UFD1: variants seen among roughly 807,000 people sequenced by gnomAD.
UFD1 encodes ubiquitin recognition factor in ER associated degradation 1.
UFD1 carries 13 observed loss-of-function variants against 45.9 expected under a neutral mutation model. The observed-to-expected ratio is 0.28, with a 90% confidence interval of 0.18 to 0.45. UFD1 has a LOEUF of 0.45. Among genes scored for constraint, UFD1 ranks in the 20% least tolerant of loss-of-function variants. The pLI is 1.00. For synonymous variants in UFD1, 128 were observed against 139.2 expected (o/e 0.92, Z 0.56); for missense variants, 218 against 389.2 (o/e 0.56, Z 3.70).
chr22:19,453,213 T>G, intron 11 of UFD1: 1 of 985,232 alleles, frequency 1.0e-6, no homozygotes, highest in Non-Finnish European at 1.2e-6. Flanking sequence ...TAGAGGTGCC[T>G]TTTGAGAATT....
At chr22:19,455,594 C>T (rs2089716556) in intron 10 of UFD1, 86 bp downstream of exon 10, 1 of 1,305,598 alleles carries the variant, frequency 7.7e-7, no homozygotes, top group Admixed American at 1.9e-5. Context: ...CAGGCTTTGT[C>T]TCCAGAACTG....
intron 11 of UFD1, chr22:19,453,248 T>C (rs2089697124): frequency 1.0e-6 from 1 of 985,360 alleles, no homozygotes; most frequent in Non-Finnish European, 1.2e-6. Flanking sequence ...GAACTGCTTC[T>C]AGGCTTTCTA....
chr22:19,465,296 G>T, intron 5 of UFD1, 22 bp from the exon 6 acceptor site: 1 of 1,607,596 alleles, frequency 6.2e-7, no homozygotes, highest in Non-Finnish European at 8.5e-7. Context: ...TTCTGTCAAG[G>T]CAACATGGCA....
intron 6 of UFD1, among the ~76,000 whole-genome samples, chr22:19,460,615 C>T (rs2089758964): frequency 6.6e-6 from 1 of 152,038 alleles, no homozygotes; most frequent in Non-Finnish European, 1.5e-5. Context: ...ACACAACACA[C>T]ACCAGACGCC....
chr22:19,477,674 T>C (rs1418884363), intron 1 of UFD1, among the ~76,000 whole-genome samples: 1 of 136,168 alleles, frequency 7.3e-6, no homozygotes, highest in Non-Finnish European at 1.6e-5. Context: ...TGATAAAAAT[T>C]TGGTTTTTTT....
chr22:19,455,637 C>G, intron 10 of UFD1, 43 bp downstream of exon 10: 3 of 1,600,512 alleles, frequency 1.9e-6, no homozygotes, highest in Non-Finnish European at 2.6e-6. Context: ...CGGGCTGGCA[C>G]AGATCCTCCT....
At chr22:19,479,056 C>T in intron 1 of UFD1, 27 bp downstream of exon 1, 1 of 1,610,016 alleles carries the variant, frequency 6.2e-7, no homozygotes, top group Non-Finnish European at 8.5e-7. Flanking sequence ...AAGGCCCAGC[C>T]CCCGCCCGCT....
At chr22:19,474,692 C>G (rs1418139978) in intron 3 of UFD1, among the ~76,000 whole-genome samples, 1 of 152,110 alleles carries the variant, frequency 6.6e-6, no homozygotes, top group Non-Finnish European at 1.5e-5. Context: ...TCTAGTGAGC[C>G]CAGCCAATGG....
chr22:19,475,367 A>G, intron 2 of UFD1, 103 bp downstream of exon 2: 1 of 1,512,176 alleles, frequency 6.6e-7, no homozygotes, highest in Non-Finnish European at 9.0e-7. Flanking sequence ...TCACAGTAAC[A>G]CTAGCTTCTG....
At chr22:19,463,714 C>T (rs912675867) in intron 6 of UFD1, among the ~76,000 whole-genome samples, 7 of 152,222 alleles carry the variant, frequency 4.6e-5, no homozygotes, top group Non-Finnish European at 8.8e-5. Context: ...CTGATATGGC[C>T]ATCTGCCCTC....
rs1462924798 is a variant in UFD1, at chr22:19,478,785, G to A, written c.3+298C>T. The A allele has an allele frequency of 5.9e-5, 28 of 472,552 alleles. No homozygotes were observed. In the East Asian group the frequency reaches 1.1e-3, roughly 18 times the overall value. The allele number at this position is 472,552 out of a possible 1,614,324, so 29.3% of individuals were successfully genotyped here. A position where few individuals can be genotyped will look rare whatever the true frequency, so the allele number is the denominator to read the frequency against. Reference sequence around the variant, plus strand: ...AACTTTGGGTTTATGGAAACCTGTTGCGCGTCCAGCACTTGGGAAACCCGT... The same window carrying A: ...AACTTTGGGTTTATGGAAACCTGTTACGCGTCCAGCACTTGGGAAACCCGT... On this transcript the variant is annotated intron_variant, in intron 1 of 11. Transcript: ENST00000263202.
chr22:19,458,164 TTGGA>T, intron 6 of UFD1, 25 bp from the exon 7 acceptor site: 1 of 1,613,690 alleles, frequency 6.2e-7, no homozygotes, highest in South Asian at 1.1e-5. Flanking sequence ...CAGAAATCAG[TTGGA>T]TGGTTTCCTG....
rs758927989 is a variant in UFD1 at position 19,471,643 on chromosome 22, T to C, written c.291+44A>G. ...GACTCTCGAGTGCAGGAGATGTCTC[T>C]GCCTAAGTGGCTGCTCTCTAGAGAC... On this transcript the variant is annotated intron_variant, in intron 4 of 11. Transcript: ENST00000263202. The C allele has an allele frequency of 2.3e-5, 37 of 1,601,518 alleles. No homozygotes were observed. The South Asian group carries it at 3.6e-4, about 15-fold the overall frequency.
chr22:19,472,042 GA>G (rs2089850273), intron 3 of UFD1, among the ~76,000 whole-genome samples: 1 of 152,202 alleles, frequency 6.6e-6, no homozygotes, highest in Non-Finnish European at 1.5e-5. Context: ...TTTAAAAAGT[GA>G]TGTGTTCATT....
At chr22:19,464,859 A>T (rs1268179318) in intron 6 of UFD1, among the ~76,000 whole-genome samples, 1 of 152,224 alleles carries the variant, frequency 6.6e-6, no homozygotes, top group East Asian at 1.9e-4. Context: ...CAGGGTTGTT[A>T]TTGTGTCTCC....
chr22:19,471,151 C>T (rs1294160069), intron 4 of UFD1: 2 of 479,612 alleles, frequency 4.2e-6, no homozygotes, highest in Admixed American at 2.2e-5. Context: ...TGGTGGCTCA[C>T]ACGCCCTGGA....
At chr22:19,455,569 G>T in intron 10 of UFD1, 111 bp downstream of exon 10, 2 of 968,614 alleles carry the variant, frequency 2.1e-6, no homozygotes, top group Non-Finnish European at 3.2e-6. Context: ...TTAGTCCCTT[G>T]GGAGACTACT....
rs1259941124 is a variant in UFD1, at chr22:19,471,744, C to T, written c.234G>A (p.Thr78=). The T allele has an allele frequency of 7.4e-6, 12 of 1,614,082 alleles. No individual in the cohort carries two copies. The highest frequency in any genetic ancestry group is 1.7e-5 in the Admixed American group (1 of 60,026). The change falls in exon 4 of 12, where the codon ACG becomes ACA. Residue 78 remains threonine, a synonymous_variant. Coordinates refer to ENST00000263202, the MANE Select transcript of UFD1 (RefSeq NM_005659.7). Reference sequence around the variant, plus strand: ...CCACAAACTCCAGCACGCCACAATGCGTCATGCGGTCCGAATTCTTATTGG... The same window carrying T: ...CCACAAACTCCAGCACGCCACAATGTGTCATGCGGTCCGAATTCTTATTGG... ...KLTNKNSDRM[T]HCGVLEFVAD...
intron 6 of UFD1, among the ~76,000 whole-genome samples, chr22:19,461,940 C>T (rs1399166080): frequency 6.6e-6 from 1 of 151,862 alleles, no homozygotes; most frequent in African/African-American, 2.4e-5. Flanking sequence ...AAGATATTTG[C>T]TTTATCTAAT....
Sources: allele counts gnomAD v4.1 joint callset (sites outside exome capture counted in the v4.1 genomes callset), GRCh38; gene constraint gnomAD v4.1.1; transcripts MANE v1.5; gene names NCBI Gene and HGNC (gene_info 2026-07-23, HGNC 2026-07-21).